The following ZNF397 variants were observed in gnomAD, a reference collection of about 807,000 sequenced individuals.
ZNF397 encodes zinc finger protein 397, also known as zinc finger and SCAN domain-containing protein 15.
Under a neutral mutation model 50.6 loss-of-function variants are expected in ZNF397, and 38 were observed. The observed-to-expected ratio is 0.75, with a 90% CI of 0.58 to 0.98. The LOEUF (loss-of-function observed/expected upper bound fraction) is 0.98. Among genes scored for constraint, ZNF397 ranks in the 50% least tolerant of loss-of-function variants. ZNF397 has a pLI of 0.00. For missense variants in ZNF397, 624 were observed against 624.1 expected, an observed-to-expected ratio of 1.00 and a Z score of 0.00; for synonymous variants, 228 against 215.2, an observed-to-expected ratio of 1.06 and a Z score of -0.52.
In ZNF397 at chr18:35,245,483, G is replaced by C. The variant is rs150654154; in HGVS notation, c.778G>C (p.Asp260His). The change falls in exon 4 of 4, where the codon GAT (aspartate) becomes CAT (histidine). Residue 260 changes from aspartate to histidine, a missense_variant. Coordinates refer to ENST00000330501, the MANE Select transcript of ZNF397 (RefSeq NM_001135178.3). ...NKSLGKRDLYDEAERCLILTT... is the reference protein window; with the variant it reads ...NKSLGKRDLYHEAERCLILTT... ...ATCTCTAGGAAAGAGAGACCTTTAT[G>C]ATGAGGCTGAAAGATGCTTGATTCT... is the stretch of plus-strand genomic sequence containing the variant. 9 of 1,552,536 alleles carry C rather than the reference G, an allele frequency of 5.8e-6. No individual in the cohort carries two copies. Among genetic ancestry groups the C allele is most frequent in the African/African-American group, 4.1e-5 (3 of 73,050 alleles).
chr18:35,243,067 T>A, intron 2 of ZNF397, 85 bp from the exon 3 acceptor site: 1 of 1,585,850 alleles, frequency 6.3e-7, no homozygotes, highest in Non-Finnish European at 8.6e-7. Flanking sequence ...CCTGGAGATG[T>A]CATCATTGAC....
rs750008644 is a variant in ZNF397 at position 35,246,150 on chromosome 18, A to T, written c.1445A>T (p.Gln482Leu). Reference protein sequence around the residue: ...QRIHSGEEPYQCNECGKTFKR... With the variant: ...QRIHSGEEPYLCNECGKTFKR... ...ATTCATAGTGGGGAGGAACCTTATC[A>T]GTGTAATGAATGTGGCAAAACTTTC... Residue 482 changes from glutamine (Q) to leucine (L), a missense_variant, in exon 4 of 4, where the codon CAG becomes CTG. Physicochemically the swap from Gln to Leu is moderately radical, Grantham distance 113 (BLOSUM62 -2). Transcript: ENST00000330501. 7 of 1,551,344 alleles carry T rather than the reference A, an allele frequency of 4.5e-6. No homozygotes were observed. Among genetic ancestry groups the T allele is most frequent in the Non-Finnish European group, 6.1e-6 (7 of 1,146,562 alleles).
chr18:35,245,291 G>A lies in ZNF397; in HGVS notation c.586G>A (p.Glu196Lys). The change falls in exon 4 of 4, where the codon GAG becomes AAG. Residue 196 changes from glutamate (E) to lysine (K), a missense_variant. Physicochemically the swap from Glu to Lys is moderately conservative, Grantham distance 56. Transcript: ENST00000330501. ...DCENSETATKEGISEEKSQGL... is the reference protein window; with the variant it reads ...DCENSETATKKGISEEKSQGL... ...TGAGAACAGTGAAACAGCAACAAAA[G>A]AGGGCATCTCAGAAGAAAAATCACA... 1 of 1,608,202 alleles carries A rather than the reference G, an allele frequency of 6.2e-7. No individual in the cohort carries two copies. The highest frequency in any genetic ancestry group is 8.5e-7 in the Non-Finnish European group (1 of 1,176,222).
chr18:35,248,199 A>G lies in ZNF397; in HGVS notation c.*1889A>G, dbSNP rs1598586957. 6.6e-6 allele frequency: 1 copy of G among 152,222 alleles called. No homozygotes were observed. The highest frequency in any genetic ancestry group is 1.9e-4 in the East Asian group (1 of 5,194). 9.4% of individuals were successfully genotyped at this position (152,222 alleles called of 1,614,324 possible). On this transcript the variant is annotated 3_prime_UTR_variant, in exon 4 of 4. Transcript: ENST00000330501. ...CATACCACACCAAAAACAAATCTGTATGGAAATCTAGAATCATGTGCATAG... is the reference window on the plus strand; with the variant it reads ...CATACCACACCAAAAACAAATCTGTGTGGAAATCTAGAATCATGTGCATAG...
chr18:35,250,932 GCTCAGAAAATAGAAACTGAGAACA>G (rs2043570876), downstream of ZNF397: 1 of 151,976 alleles, frequency 6.6e-6, no homozygotes, highest in Non-Finnish European at 1.5e-5. Flanking sequence ...ACACTTTTTG[GCTCAGAAAATAGAAACTGAGAACA>G]CCAGTTCCCT....
rs1284016674 is a variant in ZNF397 at position 35,245,468 on chromosome 18, AAG to A, written c.769_770del (p.Asp257ProfsTer3). 1.9e-6 allele frequency: 3 copies of A among 1,553,378 alleles called. No homozygotes were observed. Among genetic ancestry groups the A allele is most frequent in the East Asian group, 2.4e-5 (1 of 40,954 alleles). On this transcript the variant is annotated frameshift_variant, in exon 4 of 4. Coordinates refer to ENST00000330501, the MANE Select transcript of ZNF397 (RefSeq NM_001135178.3). LOFTEE classifies it high-confidence loss of function. ...QVIFTNKSLG[K>X]RDLYDEAERC... ...GATCTTCACAAACAAATCTCTAGGA[AAG>A]AGAGACCTTTATGATGAGGCTGAAA...
In ZNF397 at chr18:35,242,806, A is replaced by G; in HGVS notation, c.336A>G (p.Gln112=). ...AGGAGCTGCAGATCTGGGTTCAGCAACATAATCCAGAAAGCGGCGAGGAAG... is the reference window on the plus strand; with the variant it reads ...AGGAGCTGCAGATCTGGGTTCAGCAGCATAATCCAGAAAGCGGCGAGGAAG... ...LPEELQIWVQ[Q]HNPESGEEAV... is the part of the protein sequence containing the mutation. Residue 112 remains glutamine, a synonymous_variant, in exon 2 of 4, where the codon CAA becomes CAG. Coordinates refer to ENST00000330501, the MANE Select transcript of ZNF397 (RefSeq NM_001135178.3). 10 of 1,614,176 alleles carry G rather than the reference A, an allele frequency of 6.2e-6. No individual in the cohort carries two copies. Among genetic ancestry groups the G allele is most frequent in the Non-Finnish European group, 8.5e-6 (10 of 1,180,026 alleles).
chr18:35,254,638 G>A (rs528618184), downstream of ZNF397: 2 of 574,224 alleles, frequency 3.5e-6, no homozygotes, highest in East Asian at 3.2e-5. Flanking sequence ...TAGTTAGAGG[G>A]AATGGTGACA....
chr18:35,242,262 T>C (rs983662179), intron 1 of ZNF397, 129 bp from the exon 2 acceptor site: 2 of 465,044 alleles, frequency 4.3e-6, no homozygotes, highest in African/African-American at 3.9e-5. Flanking sequence ...CATCACATTA[T>C]TGTTTTATTT....
downstream of ZNF397, chr18:35,254,056 G>A (rs986968801): frequency 4.3e-6 from 7 of 1,614,022 alleles, no homozygotes; most frequent in Non-Finnish European, 5.1e-6. Context: ...TAGTGTCAAC[G>A]CTCTGTTGTG....
rs143755150 is a variant in ZNF397 at position 35,243,438 on chromosome 18, G to A, written c.556+145G>A. On this transcript the variant is annotated intron_variant, in intron 3 of 3. Coordinates refer to ENST00000330501, the MANE Select transcript of ZNF397 (RefSeq NM_001135178.3). The stretch of plus-strand genomic sequence containing the variant: ...CAGAGGTGCTCGCTTTAGCGGCTTT[G>A]TATTCACCCCTCATGAATTGCTGTC... The A allele has an allele frequency of 5.4e-6, 6 of 1,116,908 alleles. No individual in the cohort carries two copies. The African/African-American group carries it at 6.2e-5, about 11-fold the overall frequency. 69.2% of individuals were successfully genotyped at this position (1,116,908 alleles called of 1,614,324 possible).
downstream of ZNF397, among the ~76,000 whole-genome samples, chr18:35,250,731 C>T (rs986019743): frequency 6.6e-6 from 1 of 152,162 alleles, no homozygotes; most frequent in Non-Finnish European, 1.5e-5. Context: ...TTGAAGATTC[C>T]AGTCTGGTGC....
At chr18:35,254,745 A>G (rs1365019919), downstream of ZNF397, 1 of 327,574 alleles carries the variant, frequency 3.1e-6, no homozygotes, top group Non-Finnish European at 5.9e-6. Flanking sequence ...AAAAAAAGTT[A>G]AAAGGAATGA....
rs2043497945 is a variant in ZNF397 at position 35,247,304 on chromosome 18, G to C, written c.*994G>C. ...GACCCCAGGGAAAGGGCAAATATGT[G>C]GTTTCCTTGCCCAACCTGTAGGCTA... is the stretch of plus-strand genomic sequence containing the variant. On this transcript the variant is annotated 3_prime_UTR_variant, in exon 4 of 4. Transcript: ENST00000330501. 16 of 422,588 alleles carry C rather than the reference G, an allele frequency of 3.8e-5. No homozygotes were observed. Among genetic ancestry groups the C allele is most frequent in the Non-Finnish European group, 4.8e-5 (15 of 315,196 alleles). The allele number at this position is 422,588 out of a possible 1,614,324, so 26.2% of individuals were successfully genotyped here.
downstream of ZNF397, chr18:35,254,677 G>A (rs1230865764): frequency 2.1e-6 from 1 of 467,710 alleles, no homozygotes; most frequent in Non-Finnish European, 3.8e-6. Flanking sequence ...AAACCAGGAA[G>A]CTAGGAGACA....
Position 35,246,441 on chromosome 18 carries a change from C to T in ZNF397, c.*131C>T. 4.9e-6 allele frequency: 7 copies of T among 1,442,546 alleles called. No individual in the cohort carries two copies. The highest frequency in any genetic ancestry group is 5.5e-6 in the Non-Finnish European group (6 of 1,100,270). 89.4% of individuals were successfully genotyped at this position (1,442,546 alleles called of 1,614,324 possible). On this transcript the variant is annotated 3_prime_UTR_variant, in exon 4 of 4. Coordinates refer to ENST00000330501, the MANE Select transcript of ZNF397 (RefSeq NM_001135178.3). ...GGTCTTGAGTCTAGCTTGCTTTGTG[C>T]AGCATTTCCCAGTGCTAATGTAAAG...
chr18:35,257,133 C>A (rs1378192946), intron 5 of ZNF397: 1 of 152,248 alleles, frequency 6.6e-6, no homozygotes, highest in Non-Finnish European at 1.5e-5. Flanking sequence ...GGTGGCTCCT[C>A]AGTGAGTTCT....
At chr18:35,245,198 G>T in intron 3 of ZNF397, 64 bp from the exon 4 acceptor site, 2 of 1,473,188 alleles carry the variant, frequency 1.4e-6, no homozygotes, top group South Asian at 1.5e-5. Context: ...TTTCTCTCAT[G>T]TAGAAAGTTT....
downstream of ZNF397, chr18:35,253,647 C>T: frequency 1.9e-6 from 3 of 1,613,658 alleles, no homozygotes; most frequent in Non-Finnish European, 2.5e-6. Flanking sequence ...CTTTGATGTT[C>T]AATAAGGATA....
Sources: allele counts gnomAD v4.1 joint callset (sites outside exome capture counted in the v4.1 genomes callset), GRCh38; gene constraint gnomAD v4.1.1; transcripts MANE v1.5; gene names NCBI Gene and HGNC (gene_info 2026-07-23, HGNC 2026-07-21).